Variants in HUNK observed in about 807,000 individuals in gnomAD.
The protein encoded by HUNK is hormonally up-regulated neu tumor-associated kinase.
HUNK carries 21 observed loss-of-function variants against 61.0 expected under a neutral mutation model. That is an observed-to-expected ratio of 0.34 (90% CI 0.24 to 0.50). The LOEUF (loss-of-function observed/expected upper bound fraction) is 0.50, where lower values mean the gene tolerates loss of function less well. HUNK is among the 20% of genes least tolerant of loss of function. The probability of loss-of-function intolerance (pLI) is 0.98; values close to 1 mark genes in which losing one functional copy is unlikely to be tolerated. For missense variants in HUNK, 772 were observed against 945.7 expected (o/e 0.82, Z 2.41); for synonymous variants, 371 against 386.1 (o/e 0.96, Z 0.46).
chr21:31,921,803 T>C (rs74334967), intron 1 of HUNK, among the ~76,000 whole-genome samples: 2,827 of 152,316 alleles, frequency 0.019, 118 homozygotes, highest in East Asian at 0.15. Context: ...TTGGACTTTT[T>C]CCCTTTTTTG....
chr21:31,926,637 T>C (rs1254317199), intron 2 of HUNK, among the ~76,000 whole-genome samples: 2 of 152,234 alleles, frequency 1.3e-5, no homozygotes, highest in Admixed American at 1.3e-4. Context: ...TGTAGCATTA[T>C]GTTTTTCAGG....
chr21:31,889,083 A>T (rs2052368792), intron 1 of HUNK, among the ~76,000 whole-genome samples: 1 of 152,302 alleles, frequency 6.6e-6, no homozygotes, highest in Non-Finnish European at 1.5e-5. Context: ...CTGGAAGTGC[A>T]TTCTTACGTC....
chr21:31,910,720 C>T (rs1201867782), intron 1 of HUNK, among the ~76,000 whole-genome samples: 2 of 152,104 alleles, frequency 1.3e-5, no homozygotes, highest in Non-Finnish European at 2.9e-5. Context: ...AACTCCCAAC[C>T]TCAGGTGATC....
chr21:31,919,948 A>G (rs2052612345), intron 1 of HUNK, among the ~76,000 whole-genome samples: 1 of 152,214 alleles, frequency 6.6e-6, no homozygotes. Flanking sequence ...TGTGGCTGCT[A>G]TAACAAATTA....
chr21:31,943,207 A>G (rs1351627421), intron 3 of HUNK, among the ~76,000 whole-genome samples: 1 of 152,204 alleles, frequency 6.6e-6, no homozygotes, highest in Non-Finnish European at 1.5e-5. Flanking sequence ...AACTAGAATT[A>G]CCAGGAGTAA....
At chr21:31,904,633 G>A (rs1175668658) in intron 1 of HUNK, among the ~76,000 whole-genome samples, 8 of 152,124 alleles carry the variant, frequency 5.3e-5, no homozygotes, top group South Asian at 2.1e-4. Flanking sequence ...CGGAGTTTCC[G>A]TGGGTCTTCC....
intron 7 of HUNK, among the ~76,000 whole-genome samples, chr21:31,980,892 T>C (rs7283114): frequency 0.86 from 130,813 of 152,172 alleles, 56,397 homozygotes; most frequent in East Asian, 0.97. Context: ...TTAGTAGAGA[T>C]GGGGTTTCTC....
chr21:31,947,296 G>A (rs1316071233), intron 4 of HUNK, among the ~76,000 whole-genome samples: 4 of 135,966 alleles, frequency 2.9e-5, no homozygotes, highest in South Asian at 2.3e-4. Flanking sequence ...GCTCAAGCCA[G>A]TGGCGCCTGC....
chr21:31,896,604 T>C (rs1171019497), intron 1 of HUNK, among the ~76,000 whole-genome samples: 1 of 152,230 alleles, frequency 6.6e-6, no homozygotes, highest in Non-Finnish European at 1.5e-5. Context: ...AAGAAAATGT[T>C]GTCCCTCTAG....
intron 6 of HUNK, among the ~76,000 whole-genome samples, chr21:31,968,876 A>C (rs374089546): frequency 1.8e-5 from 2 of 111,970 alleles, no homozygotes; most frequent in East Asian, 5.6e-4. Context: ...GTGTGTGTGT[A>C]TGTCTTTGTT....
At chr21:31,969,837 A>G (rs781392630) in intron 6 of HUNK, among the ~76,000 whole-genome samples, 1 of 152,166 alleles carries the variant, frequency 6.6e-6, no homozygotes, top group Non-Finnish European at 1.5e-5. Context: ...CTGAGATTAC[A>G]GGCTTGAGCC....
intron 1 of HUNK, among the ~76,000 whole-genome samples, chr21:31,876,200 G>A (rs959930827): frequency 6.6e-6 from 1 of 152,172 alleles, no homozygotes; most frequent in African/African-American, 2.4e-5. Flanking sequence ...GGTGGACTGC[G>A]GGTAAGGATG....
At chr21:31,948,859 G>A (rs1382638846) in intron 4 of HUNK, among the ~76,000 whole-genome samples, 1 of 152,170 alleles carries the variant, frequency 6.6e-6, no homozygotes, top group Non-Finnish European at 1.5e-5. Context: ...AGACCAGAAT[G>A]AGATGTGGAG....
Position 31,999,068 on chromosome 21 carries a change from CAG to C in HUNK, c.2032_2033del (p.Leu679AlafsTer6). ...CGGACAGATGTTAAGGAAGCGCCATCAGAGTCTGCAGCCATCTGCAGATAGGC... is the reference window on the plus strand; with the variant it reads ...CGGACAGATGTTAAGGAAGCGCCATCAGTCTGCAGCCATCTGCAGATAGGC... ...GIGQMLRKRH[Q>X]SLQPSADRPL... On this transcript the variant is annotated frameshift_variant, in exon 11 of 11. Transcript: ENST00000270112. LOFTEE classifies it high-confidence loss of function. 1 of 1,614,240 alleles carries C rather than the reference CAG, an allele frequency of 6.2e-7. No homozygotes were observed. The highest frequency in any genetic ancestry group is 8.5e-7 in the Non-Finnish European group (1 of 1,180,042).
intron 1 of HUNK, among the ~76,000 whole-genome samples, chr21:31,914,573 A>G (rs1444232610): frequency 6.6e-6 from 1 of 152,150 alleles, no homozygotes; most frequent in African/African-American, 2.4e-5. Context: ...ACAAAATACC[A>G]TGGAGTGGGT....
chr21:31,997,592 A>T (rs1185521615), intron 10 of HUNK, among the ~76,000 whole-genome samples: 3 of 152,074 alleles, frequency 2.0e-5, no homozygotes, highest in Admixed American at 1.3e-4. Context: ...GAGAATGGGG[A>T]TGTATATGGG....
At chr21:31,909,507 A>G (rs938993024) in intron 1 of HUNK, among the ~76,000 whole-genome samples, 2 of 152,186 alleles carry the variant, frequency 1.3e-5, no homozygotes, top group African/African-American at 4.8e-5. Context: ...TAGCATCGCC[A>G]AGATCAGTCC....
intron 9 of HUNK, among the ~76,000 whole-genome samples, chr21:31,995,460 G>A (rs73354694): frequency 0.027 from 4,115 of 152,300 alleles, 176 homozygotes; most frequent in African/African-American, 0.094. Flanking sequence ...GCTTCACCTT[G>A]GTTTGTTGGG....
chr21:31,953,767 G>A (rs536588742), intron 4 of HUNK, among the ~76,000 whole-genome samples: 1 of 152,268 alleles, frequency 6.6e-6, no homozygotes, highest in Non-Finnish European at 1.5e-5. Flanking sequence ...GATGAGAGAG[G>A]TGGGTCCTCT....
Sources: allele counts gnomAD v4.1 joint callset (sites outside exome capture counted in the v4.1 genomes callset), GRCh38; gene constraint gnomAD v4.1.1; transcripts MANE v1.5; gene names NCBI Gene and HGNC (gene_info 2026-07-23, HGNC 2026-07-21).